TMEM114: variants seen among roughly 807,000 people sequenced by gnomAD.
TMEM114 encodes transmembrane protein 114, also known as claudin-26.
In TMEM114, 6 loss-of-function variants were observed where a neutral mutation model predicts 6.2. The observed-to-expected ratio is 0.97, with a 90% CI of 0.53 to 1.91. TMEM114 has a LOEUF of 1.91. Ranked by LOEUF, TMEM114 falls within the 40% of genes most tolerant of loss-of-function variation. The pLI is 0.01. For synonymous variants in TMEM114, 104 were observed against 73.0 expected (o/e 1.42, Z -2.16); for missense variants, 218 against 158.3 (o/e 1.38, Z -2.02).
chr16:8,544,054 C>A (rs79237418), intron 2 of TMEM114, among the ~76,000 whole-genome samples: 28,208 of 152,146 alleles, frequency 0.19, 2,842 homozygotes, highest in South Asian at 0.33. Context: ...ATAACAACAG[C>A]ATTAGCCTAG....
intron 2 of TMEM114, among the ~76,000 whole-genome samples, chr16:8,564,170 T>C (rs1368475481): frequency 6.6e-6 from 1 of 150,490 alleles, no homozygotes; most frequent in African/African-American, 2.5e-5. Flanking sequence ...AATGAGTGAG[T>C]AAATGAGTGA....
intron 2 of TMEM114, among the ~76,000 whole-genome samples, chr16:8,559,196 C>G (rs1279524289): frequency 6.6e-6 from 1 of 151,974 alleles, no homozygotes; most frequent in Non-Finnish European, 1.5e-5. Context: ...GCATGCGCCA[C>G]TACGCCCGGA....
downstream of TMEM114, among the ~76,000 whole-genome samples, chr16:8,567,382 G>A (rs1367699515): frequency 1.3e-5 from 2 of 152,188 alleles, no homozygotes; most frequent in African/African-American, 4.8e-5. Flanking sequence ...GACACTGTAG[G>A]TATCTGGCAA....
chr16:8,534,450 T>A (rs754718602), downstream of TMEM114, among the ~76,000 whole-genome samples: 1 of 152,108 alleles, frequency 6.6e-6, no homozygotes, highest in Non-Finnish European at 1.5e-5. Flanking sequence ...GGGTGTAGAA[T>A]TGCTTTGAGG....
At chr16:8,566,614 T>C (rs1901553739), downstream of TMEM114, among the ~76,000 whole-genome samples, 1 of 152,172 alleles carries the variant, frequency 6.6e-6, no homozygotes, top group Non-Finnish European at 1.5e-5. Context: ...CAGCACCTCC[T>C]TACCACGGGC....
At position 8,589,714 on chromosome 16, in the gene TMEM114, C is replaced by G. The variant is rs1596316623; in HGVS notation, c.125G>C (p.Arg42Thr). The change falls in exon 1 of 4, where the codon AGG becomes ACG. Residue 42 changes from arginine (R) to threonine (T), a missense_variant. Transcript: ENST00000620492. ...CAGGTCCTGCGCCCCCGGGCCAGTC[C>G]TCTCCAGCCGCTCGGTGTCAATGAT... Reference protein sequence around the residue: ...WYIIDTERLERTGPGAQDLLG... With the variant: ...WYIIDTERLETTGPGAQDLLG... 23 of 398,418 alleles carry G rather than the reference C, an allele frequency of 5.8e-5. No individual in the cohort carries two copies. The highest frequency in any genetic ancestry group is 4.6e-4 in the East Asian group (13 of 28,074). The allele number at this position is 398,418 out of a possible 1,614,324, so 24.7% of individuals were successfully genotyped here.
intron 2 of TMEM114, among the ~76,000 whole-genome samples, chr16:8,584,376 A>G (rs1368375174): frequency 6.6e-6 from 1 of 152,184 alleles, no homozygotes; most frequent in African/African-American, 2.4e-5. Context: ...TTCCACCAAA[A>G]ATAATTCCAG....
intron 2 of TMEM114, among the ~76,000 whole-genome samples, chr16:8,573,588 C>T (rs980312298): frequency 1.3e-5 from 2 of 151,892 alleles, no homozygotes; most frequent in African/African-American, 4.8e-5. Flanking sequence ...TTTTTTTATC[C>T]ATCCTTCATT....
At chr16:8,540,597 T>C (rs953830989) in intron 2 of TMEM114, among the ~76,000 whole-genome samples, 1 of 141,926 alleles carries the variant, frequency 7.0e-6, no homozygotes, top group Non-Finnish European at 1.5e-5. Flanking sequence ...TGGGAGTTGA[T>C]AAGAACAGGT....
chr16:8,585,206 A>G (rs552435499), intron 2 of TMEM114, among the ~76,000 whole-genome samples: 3 of 152,314 alleles, frequency 2.0e-5, no homozygotes, highest in East Asian at 3.9e-4. Flanking sequence ...ACCTGCCCCA[A>G]TGATTCAATT....
At chr16:8,555,116 T>C (rs949295586) in intron 2 of TMEM114, among the ~76,000 whole-genome samples, 1 of 152,218 alleles carries the variant, frequency 6.6e-6, no homozygotes, top group Non-Finnish European at 1.5e-5. Context: ...TTTGCCCATG[T>C]GAGTTGGTGT....
downstream of TMEM114, among the ~76,000 whole-genome samples, chr16:8,564,866 TGAGG>T (rs1451218730): frequency 2.4e-4 from 8 of 33,554 alleles, no homozygotes; most frequent in Non-Finnish European, 4.1e-4. Flanking sequence ...AGTGAATGAA[TGAGG>T]GAGGGAGGGA....
At chr16:8,559,919 G>A (rs770270009) in intron 2 of TMEM114, among the ~76,000 whole-genome samples, 14 of 152,222 alleles carry the variant, frequency 9.2e-5, no homozygotes, top group Non-Finnish European at 1.5e-4. Context: ...ATGGGAGGCA[G>A]AAGTGGGCGG....
chr16:8,561,826 G>A (rs1901215081), intron 2 of TMEM114, among the ~76,000 whole-genome samples: 1 of 125,922 alleles, frequency 7.9e-6, no homozygotes, highest in Admixed American at 8.1e-5. Flanking sequence ...GGGAGTGAAT[G>A]AGTGAGTGAA....
At chr16:8,571,421 T>C (rs1901729158) in intron 3 of TMEM114, among the ~76,000 whole-genome samples, 1 of 152,156 alleles carries the variant, frequency 6.6e-6, no homozygotes, top group Non-Finnish European at 1.5e-5. Context: ...CCTCACATAC[T>C]TAGCATTTCT....
rs371482140 is a variant in TMEM114, at chr16:8,548,643, G to A, written n.213-10817C>T. Among the ~76,000 whole-genome samples the A allele has an allele frequency of 1.2e-3, 179 of 150,046 alleles. 4 individuals carry two copies. Among genetic ancestry groups the A allele is most frequent in the African/African-American group, 4.0e-3 (163 of 40,296 alleles). ...TCTGAGCAGAGATGAAATCTTATAT[G>A]CATTTTTTGTCCTTTTCTTGCCCAT... On this transcript the variant is annotated intron_variant and non_coding_transcript_variant, in intron 2 of 2. Coordinates refer to the TMEM114 transcript ENST00000623677.
At chr16:8,589,340 T>G (rs1235901218) in intron 1 of TMEM114, 47 bp from the exon 2 acceptor site, 1 of 398,720 alleles carries the variant, frequency 2.5e-6, no homozygotes, top group African/African-American at 2.1e-5. Context: ...CGGAGTTCTG[T>G]GCAGCACCCT....
intron 2 of TMEM114, among the ~76,000 whole-genome samples, chr16:8,552,133 G>A (rs1900863577): frequency 6.6e-6 from 1 of 151,990 alleles, no homozygotes; most frequent in Non-Finnish European, 1.5e-5. Flanking sequence ...CCAGCACTTT[G>A]GGAGGCTGAA....
chr16:8,574,606 T>TTTCTTTCTTTCTTTCTTTCC (rs71396281), intron 2 of TMEM114, among the ~76,000 whole-genome samples: 2 of 151,162 alleles, frequency 1.3e-5, no homozygotes, highest in African/African-American at 4.9e-5. Context: ...TCTTTCTTTC[T>TTTCTTTCTTTCTTTCTTTCC]TTTTCAGGGA....
Sources: allele counts gnomAD v4.1 joint callset (sites outside exome capture counted in the v4.1 genomes callset), GRCh38; gene constraint gnomAD v4.1.1; transcripts MANE v1.5; gene names NCBI Gene and HGNC (gene_info 2026-07-23, HGNC 2026-07-21).